The following KIAA1217 variants were observed in gnomAD, a reference collection of about 807,000 sequenced individuals.
The protein encoded by KIAA1217 is sickle tail protein homolog.
In KIAA1217, 88 loss-of-function variants were observed where a neutral mutation model predicts 163.9. That is an observed-to-expected ratio of 0.54 (90% CI 0.45 to 0.64). The LOEUF (loss-of-function observed/expected upper bound fraction) is 0.64, where lower values mean the gene tolerates loss of function less well. Ranked by LOEUF, KIAA1217 falls within the 30% of genes least tolerant of loss-of-function variation. The pLI is 0.00. For synonymous variants in KIAA1217, 903 were observed against 923.1 expected, an observed-to-expected ratio of 0.98 and a Z score of 0.39; for missense variants, 2,372 against 2,475.0, an observed-to-expected ratio of 0.96 and a Z score of 0.88.
At chr10:24,163,384 A>C (rs1199112598) in intron 2 of KIAA1217, among the ~76,000 whole-genome samples, 1 of 152,158 alleles carries the variant, frequency 6.6e-6, no homozygotes, top group African/African-American at 2.4e-5. Context: ...ATGTCTCTCA[A>C]CTCTCAAATT....
At chr10:23,788,047 A>C (rs1835573909) in intron 1 of KIAA1217, among the ~76,000 whole-genome samples, 1 of 152,008 alleles carries the variant, frequency 6.6e-6, no homozygotes, top group Non-Finnish European at 1.5e-5. Flanking sequence ...AAAATGAAAA[A>C]ATTAGCCAGG....
chr10:24,396,574 CA>C (rs1471259315), intron 3 of KIAA1217, among the ~76,000 whole-genome samples: 2 of 152,096 alleles, frequency 1.3e-5, no homozygotes, highest in Admixed American at 6.6e-5. Flanking sequence ...GAAAGATGGA[CA>C]GGGGGAGCCT....
chr10:24,495,310 G>A lies in KIAA1217; in HGVS notation c.1834+114G>A, dbSNP rs1174726326. 13 of 788,564 alleles carry A rather than the reference G, an allele frequency of 1.6e-5. No homozygotes were observed. The Admixed American group carries it at 2.1e-4, about 13-fold the overall frequency. The allele number at this position is 788,564 out of a possible 1,614,324, so 48.8% of individuals were successfully genotyped here. A position where few individuals can be genotyped will look rare whatever the true frequency, so the allele number is the denominator to read the frequency against. ...AGTCACGTATTTGGTATGATGTCAG[G>A]GGATTCCTAGATATTCCTGCCAATA... On this transcript the variant is annotated intron_variant, in intron 8 of 20. Coordinates refer to ENST00000376454, the MANE Select transcript of KIAA1217 (RefSeq NM_019590.5).
At chr10:23,718,717 T>C (rs549551982) in intron 1 of KIAA1217, among the ~76,000 whole-genome samples, 101 of 152,216 alleles carry the variant, frequency 6.6e-4, no homozygotes, top group African/African-American at 2.4e-3. Context: ...AGGACCATAT[T>C]CTTTACAATA....
chr10:23,885,398 T>C (rs1841127794), intron 1 of KIAA1217, among the ~76,000 whole-genome samples: 1 of 151,920 alleles, frequency 6.6e-6, no homozygotes, highest in African/African-American at 2.4e-5. Flanking sequence ...AACTTTGTAC[T>C]CTTTGACCAA....
intron 1 of KIAA1217, among the ~76,000 whole-genome samples, chr10:23,828,737 T>A (rs1167684480): frequency 6.6e-6 from 1 of 152,242 alleles, no homozygotes; most frequent in African/African-American, 2.4e-5. Flanking sequence ...CATCTGTTTC[T>A]ACAGATTGTG....
intron 6 of KIAA1217, among the ~76,000 whole-genome samples, chr10:24,484,241 A>ATATATATATATATTTTT (rs1376083298): frequency 2.7e-5 from 2 of 75,146 alleles, no homozygotes; most frequent in African/African-American, 4.9e-5. Flanking sequence ...ATATATATAT[A>ATATATATATATATTTTT]TTTTTTTTTT....
At chr10:23,747,619 T>A (rs141997419) in intron 1 of KIAA1217, among the ~76,000 whole-genome samples, 1 of 152,140 alleles carries the variant, frequency 6.6e-6, no homozygotes, top group Non-Finnish European at 1.5e-5. Flanking sequence ...TGAGAATAGA[T>A]CCCAGAGGGA....
At chr10:24,128,342 C>G (rs1477999238) in intron 2 of KIAA1217, among the ~76,000 whole-genome samples, 7 of 152,170 alleles carry the variant, frequency 4.6e-5, no homozygotes, top group Non-Finnish European at 1.0e-4. Flanking sequence ...AGAAAATTAT[C>G]AAGCCTGGGT....
chr10:23,993,311 C>T (rs1006278208), intron 1 of KIAA1217, among the ~76,000 whole-genome samples: 5 of 151,914 alleles, frequency 3.3e-5, no homozygotes, highest in Non-Finnish European at 5.9e-5. Context: ...GGACTACAGG[C>T]GTGAGCCACT....
chr10:23,893,477 G>A (rs986337510), intron 1 of KIAA1217, among the ~76,000 whole-genome samples: 4 of 151,778 alleles, frequency 2.6e-5, no homozygotes, highest in African/African-American at 4.8e-5. Context: ...AGGGTTTTTT[G>A]TGTCTCTATT....
intron 1 of KIAA1217, among the ~76,000 whole-genome samples, chr10:23,893,788 A>T (rs1358525731): frequency 6.6e-6 from 1 of 152,126 alleles, no homozygotes; most frequent in Non-Finnish European, 1.5e-5. Flanking sequence ...AAGCTTATCC[A>T]TCATGATCAA....
At chr10:23,810,904 ACT>A (rs1836995383) in intron 1 of KIAA1217, among the ~76,000 whole-genome samples, 1 of 121,900 alleles carries the variant, frequency 8.2e-6, no homozygotes, top group African/African-American at 3.3e-5. Flanking sequence ...TAGTATATAT[ACT>A]CTATATAGTA....
intron 1 of KIAA1217, among the ~76,000 whole-genome samples, chr10:24,002,230 C>T (rs1434934235): frequency 2.0e-5 from 3 of 152,186 alleles, no homozygotes; most frequent in Non-Finnish European, 4.4e-5. Flanking sequence ...ATTCTCCTTA[C>T]AGCTGGTAAC....
chr10:24,422,567 C>A (rs1382041760), intron 3 of KIAA1217, among the ~76,000 whole-genome samples: 1 of 152,164 alleles, frequency 6.6e-6, no homozygotes, highest in East Asian at 1.9e-4. Flanking sequence ...AATATCCATG[C>A]AAAGGGACAA....
At chr10:24,158,282 C>G (rs898916334) in intron 2 of KIAA1217, 8 of 710,978 alleles carry the variant, frequency 1.1e-5, no homozygotes, top group African/African-American at 8.7e-5. Context: ...ACATTTTCTC[C>G]TTCCCGGTTG....
At position 23,700,917 on chromosome 10, in the gene KIAA1217, G is replaced by T. The variant is rs184166980; in HGVS notation, c.-321+5683G>T. On this transcript the variant is annotated intron_variant, in intron 1 of 18. Transcript: ENST00000376462. ...AGAAGGTAAACTCCATAAAGGAAGA[G>T]ATTTTTTTTTTCTGTTTTGCTCATT... Among the ~76,000 whole-genome samples, 73 of 129,126 alleles carry T rather than the reference G, an allele frequency of 5.7e-4. 1 individual carries two copies. In the East Asian group the frequency reaches 0.01, roughly 18 times the overall value. 84.7% of individuals were successfully genotyped at this position (129,126 alleles called of 152,430 possible). A position where few individuals can be genotyped will look rare whatever the true frequency, so the allele number is the denominator to read the frequency against.
At chr10:24,267,530 C>T (rs568523259) in intron 2 of KIAA1217, among the ~76,000 whole-genome samples, 2 of 152,290 alleles carry the variant, frequency 1.3e-5, no homozygotes, top group Admixed American at 1.3e-4. Context: ...CCACGCTAGT[C>T]TTGAACTCCT....
intron 1 of KIAA1217, among the ~76,000 whole-genome samples, chr10:23,752,693 A>AAAGGCATT (rs1839802070): frequency 6.6e-6 from 1 of 152,192 alleles, no homozygotes; most frequent in African/African-American, 2.4e-5. Context: ...CTCTTGTATC[A>AAAGGCATT]AAGGCATTAG....
Sources: gnomAD v4.1 joint callset for allele counts (sites outside exome capture counted in the v4.1 genomes callset) on GRCh38, gnomAD v4.1.1 for gene constraint, MANE v1.5 for transcripts, NCBI Gene and HGNC (gene_info 2026-07-23, HGNC 2026-07-21) for gene names.